The following RGS3 variants were observed in gnomAD, a reference collection of about 807,000 sequenced individuals.
The protein encoded by RGS3 is regulator of G protein signaling 3, also known as regulator of G-protein signalling 3.
RGS3 carries 80 observed loss-of-function variants against 132.6 expected under a neutral mutation model. The ratio of observed to expected loss-of-function variants is 0.60; its 90% CI spans 0.50 to 0.73. RGS3 has a LOEUF of 0.73. Among genes scored for constraint, RGS3 ranks in the 30% least tolerant of loss-of-function variants. RGS3 has a pLI of 0.00. For synonymous variants in RGS3, 598 were observed against 620.6 expected (o/e 0.96, Z 0.54); for missense variants, 1,382 against 1,530.8 (o/e 0.90, Z 1.62).
At chr9:113,554,087 A>T (rs946431804) in intron 19 of RGS3, among the ~76,000 whole-genome samples, 2 of 152,204 alleles carry the variant, frequency 1.3e-5, no homozygotes, top group Admixed American at 6.5e-5. Context: ...TCTCCCCAAC[A>T]CTATTGTTCT....
At chr9:113,566,447 C>G (rs1834015279) in intron 19 of RGS3, among the ~76,000 whole-genome samples, 1 of 152,102 alleles carries the variant, frequency 6.6e-6, no homozygotes, top group African/African-American at 2.4e-5. Context: ...TATTCTTGTT[C>G]CCAGGTGTCC....
intron 19 of RGS3, chr9:113,581,609 C>T (rs530042847): frequency 6.6e-6 from 1 of 152,294 alleles, no homozygotes; most frequent in Non-Finnish European, 1.5e-5. Context: ...ATCTGTTACT[C>T]AGGCATGCTG....
intron 18 of RGS3, among the ~76,000 whole-genome samples, chr9:113,531,327 G>C (rs1832455473): frequency 6.6e-6 from 1 of 152,192 alleles, no homozygotes; most frequent in African/African-American, 2.4e-5. Flanking sequence ...ATTAATTTAA[G>C]AGTCTTGGAG....
chr9:113,484,454 T>G (rs1457689866), intron 6 of RGS3, among the ~76,000 whole-genome samples: 4 of 152,032 alleles, frequency 2.6e-5, no homozygotes, highest in Non-Finnish European at 5.9e-5. Flanking sequence ...TCCACAGTGA[T>G]AAGGTATCAC....
chr9:113,486,945 G>A (rs914264170), intron 7 of RGS3, among the ~76,000 whole-genome samples: 6 of 152,130 alleles, frequency 3.9e-5, no homozygotes, highest in African/African-American at 1.4e-4. Context: ...ACATGCTGGG[G>A]ATGCATGCAT....
intron 16 of RGS3, 86 bp from the exon 15 acceptor site, chr9:113,522,844 G>T: frequency 1.2e-6 from 1 of 847,470 alleles, no homozygotes; most frequent in Non-Finnish European, 2.1e-6. Flanking sequence ...GGAGGCTGTG[G>T]CTCCCCACCT....
intron 7 of RGS3, among the ~76,000 whole-genome samples, chr9:113,494,419 T>C (rs1830619690): frequency 6.6e-6 from 1 of 152,196 alleles, no homozygotes; most frequent in Admixed American, 6.5e-5. Context: ...TCAAGATATT[T>C]TTGGACTTTA....
At chr9:113,447,135 G>T (rs1829118912) in intron 1 of RGS3, among the ~76,000 whole-genome samples, 1 of 150,784 alleles carries the variant, frequency 6.6e-6, no homozygotes, top group Non-Finnish European at 1.5e-5. Context: ...GGTGGCACGT[G>T]CCTGTAGTCC....
At chr9:113,596,070 C>A (rs1835760849) in intron 24 of RGS3, among the ~76,000 whole-genome samples, 1 of 152,248 alleles carries the variant, frequency 6.6e-6, no homozygotes, top group Non-Finnish European at 1.5e-5. Context: ...CACAGTGGCT[C>A]ATGCCTGTAA....
intron 19 of RGS3, among the ~76,000 whole-genome samples, chr9:113,556,489 T>C (rs1357006228): frequency 1.3e-5 from 2 of 152,198 alleles, no homozygotes; most frequent in East Asian, 1.9e-4. Context: ...GTTATTATCC[T>C]CATTTCATAG....
At chr9:113,475,429 AG>A (rs1829959832) in intron 3 of RGS3, among the ~76,000 whole-genome samples, 1 of 152,196 alleles carries the variant, frequency 6.6e-6, no homozygotes, top group African/African-American at 2.4e-5. Context: ...TTTTTGAGAC[AG>A]GGTCTGGCTC....
chr9:113,513,485 C>T (rs944637787), intron 14 of RGS3, among the ~76,000 whole-genome samples: 5 of 152,158 alleles, frequency 3.3e-5, no homozygotes, highest in Non-Finnish European at 7.4e-5. Context: ...CTTGCTTTTC[C>T]AAGTGGAGAA....
chr9:113,520,929 T>G (rs942802880), intron 16 of RGS3, among the ~76,000 whole-genome samples: 23 of 152,168 alleles, frequency 1.5e-4, no homozygotes, highest in Non-Finnish European at 2.6e-4. Flanking sequence ...CATTGGTATC[T>G]CTCTGTATAG....
exon 24 of RGS3, chr9:113,595,643 G>A: frequency 2.5e-6 from 4 of 1,614,212 alleles, no homozygotes; most frequent in East Asian, 2.2e-5. Flanking sequence ...TGAGTTCAGT[G>A]AGGAGAATCT....
At chr9:113,516,230 G>C (rs576586266) in intron 15 of RGS3, among the ~76,000 whole-genome samples, 1 of 152,302 alleles carries the variant, frequency 6.6e-6, no homozygotes, top group African/African-American at 2.4e-5. Flanking sequence ...ACATCTCTGG[G>C]AGCTCACACG....
intron 21 of RGS3, chr9:113,593,384 C>G (rs1347689607): frequency 6.6e-6 from 1 of 152,242 alleles, no homozygotes; most frequent in African/African-American, 2.4e-5. Flanking sequence ...TTTTCATTTT[C>G]ATTTTTGGTT....
At chr9:113,467,941 A>G (rs1375945960) in intron 3 of RGS3, among the ~76,000 whole-genome samples, 1 of 152,192 alleles carries the variant, frequency 6.6e-6, no homozygotes, top group Non-Finnish European at 1.5e-5. Flanking sequence ...TGCCCAAGCT[A>G]GTCTTGAACT....
In RGS3 at chr9:113,565,610, C is replaced by T. The variant is rs1160116550; in HGVS notation, c.2038-17840C>T. 7.9e-5 allele frequency: 20 copies of T among 254,610 alleles called. No homozygotes were observed. The highest frequency in any genetic ancestry group is 5.0e-4 in the Admixed American group (10 of 19,854). 15.8% of individuals were successfully genotyped at this position (254,610 alleles called of 1,614,324 possible). A position where few individuals can be genotyped will look rare whatever the true frequency, so the allele number is the denominator to read the frequency against. On this transcript the variant is annotated intron_variant, in intron 19 of 24. Coordinates refer to ENST00000350696, the Ensembl canonical transcript of RGS3. This position sits in a 1 kb window ranked among gnomAD's most constrained non-coding sequence, Gnocchi z 5.7. ...GGGGAAGGCAGCCGCTTGACACGGC[C>T]GCCAGGAGCTGCCACAGCCACGGCC...
At chr9:113,547,190 C>T (rs929560052) in intron 19 of RGS3, among the ~76,000 whole-genome samples, 2 of 152,166 alleles carry the variant, frequency 1.3e-5, no homozygotes, top group African/African-American at 4.8e-5. Flanking sequence ...GGGCAGACTG[C>T]AAAGCCTCGG....
Sources: allele counts gnomAD v4.1 joint callset (sites outside exome capture counted in the v4.1 genomes callset), GRCh38; gene constraint gnomAD v4.1.1; non-coding constraint Gnocchi (gnomAD v3.1); transcripts MANE v1.5; gene names NCBI Gene and HGNC (gene_info 2026-07-23, HGNC 2026-07-21).